The following UGT1A10 variants were observed in gnomAD, a reference collection of about 807,000 sequenced individuals.
UGT1A10 encodes the protein UDP-glucuronosyltransferase 1A10.
A neutral mutation model predicts 45.8 loss-of-function variants in UGT1A10; 49 were observed. That is an observed-to-expected ratio of 1.07 (90% CI 0.85 to 1.36). UGT1A10 has a LOEUF of 1.36. Ranked by LOEUF, UGT1A10 falls within the 40% of genes most tolerant of loss-of-function variation. The probability of loss-of-function intolerance (pLI) is 0.00; values close to 1 mark genes in which losing one functional copy is unlikely to be tolerated. For synonymous variants in UGT1A10, 284 were observed against 249.7 expected, an observed-to-expected ratio of 1.14 and a Z score of -1.29; for missense variants, 745 against 668.6, an observed-to-expected ratio of 1.11 and a Z score of -1.26.
At chr2:233,719,389 C>A (rs1343929267) in intron 1 of UGT1A10, 1 of 1,613,916 alleles carries the variant, frequency 6.2e-7, no homozygotes, top group Admixed American at 1.7e-5. Flanking sequence ...TGTCCAAATC[C>A]TTCCTCCTAT....
intron 1 of UGT1A10, among the ~76,000 whole-genome samples, chr2:233,744,647 A>G (rs1048416794): frequency 6.6e-6 from 1 of 151,912 alleles, no homozygotes; most frequent in Non-Finnish European, 1.5e-5. Context: ...CAGCTTCTGT[A>G]TTCAATCTAC....
Position 233,769,593 on chromosome 2 carries a change from G to A in UGT1A10, c.1295+1154G>A, listed in dbSNP as rs748291102. The A allele has an allele frequency of 1.9e-5, 30 of 1,612,700 alleles. No homozygotes were observed. The East Asian group carries it at 4.2e-4, about 23-fold the overall frequency. On this transcript the variant is annotated intron_variant, in intron 4 of 4. Coordinates refer to ENST00000344644, the MANE Select transcript of UGT1A10 (RefSeq NM_019075.4). The surrounding 1 kb of genome is among the most constrained non-coding windows in gnomAD (Gnocchi z 4.4). ...GGAGCATGTTCAGATGAGAGGAGAC[G>A]GAACACGGGGACACACCAGCTTGAG... is the stretch of plus-strand genomic sequence containing the variant.
chr2:233,699,215 A>G (rs569821092), intron 1 of UGT1A10, among the ~76,000 whole-genome samples: 4 of 152,258 alleles, frequency 2.6e-5, no homozygotes, highest in South Asian at 2.1e-4. Context: ...TGCATGAAAA[A>G]AAAACAAAAA....
intron 1 of UGT1A10, among the ~76,000 whole-genome samples, chr2:233,764,036 G>A (rs905956037): frequency 6.6e-6 from 1 of 152,136 alleles, no homozygotes; most frequent in South Asian, 2.1e-4. Flanking sequence ...TGCTAAAGAA[G>A]AATTCTGGGA....
intron 1 of UGT1A10, chr2:233,693,850 G>A (rs1347397374): frequency 6.2e-7 from 1 of 1,614,080 alleles, no homozygotes. Flanking sequence ...GTAAGAAGAG[G>A]AAAGACTTGT....
intron 1 of UGT1A10, among the ~76,000 whole-genome samples, chr2:233,699,089 G>A (rs2075483565): frequency 6.6e-6 from 1 of 152,136 alleles, no homozygotes; most frequent in African/African-American, 2.4e-5. Flanking sequence ...CTCTAGCCCT[G>A]TGCACCTCAT....
chr2:233,743,342 T>C, intron 1 of UGT1A10: 7 of 858,096 alleles, frequency 8.2e-6, no homozygotes, highest in Non-Finnish European at 1.0e-5. Context: ...TCAGTGGAAG[T>C]CGACATGGAC....
At chr2:233,709,121 G>A (rs1349379070) in intron 1 of UGT1A10, among the ~76,000 whole-genome samples, 3 of 152,046 alleles carry the variant, frequency 2.0e-5, no homozygotes, top group Admixed American at 1.3e-4. Flanking sequence ...AACTAATCAT[G>A]GTGGCCAAGG....
At chr2:233,766,701 C>T (rs1699231181) in intron 1 of UGT1A10, among the ~76,000 whole-genome samples, 1 of 152,122 alleles carries the variant, frequency 6.6e-6, no homozygotes, top group Admixed American at 6.5e-5. Flanking sequence ...ATGCCTTGCT[C>T]TGTGTTCTCT....
In UGT1A10 at chr2:233,725,191, CAGAGGCAGAGGCAGAGGCAGAGGCAGA is replaced by C. The variant is rs1559370256; in HGVS notation, c.856-41842_856-41816del. 1.2e-4 allele frequency among the ~76,000 whole-genome samples: 9 copies of C among 75,260 alleles called. 2 individuals are homozygous for C. Among genetic ancestry groups the C allele is most frequent in the South Asian group, 1.2e-3 (2 of 1,722 alleles). 49.4% of individuals were successfully genotyped at this position (75,260 alleles called of 152,430 possible). A position where few individuals can be genotyped will look rare whatever the true frequency, so the allele number is the denominator to read the frequency against. On this transcript the variant is annotated intron_variant, in intron 1 of 4. Coordinates refer to ENST00000344644, the MANE Select transcript of UGT1A10 (RefSeq NM_019075.4). Reference sequence around the variant, plus strand: ...GGGAGACCGTGGGGAGAGGCAGAGGCAGAGGCAGAGGCAGAGGCAGAGGCAGAGGAGGCAGAGGCAGAGGAGGCAGAG... The same window carrying C: ...GGGAGACCGTGGGGAGAGGCAGAGGCGGAGGCAGAGGCAGAGGAGGCAGAG...
chr2:233,761,598 A>G (rs1310966456), intron 1 of UGT1A10, among the ~76,000 whole-genome samples: 2 of 152,232 alleles, frequency 1.3e-5, no homozygotes, highest in African/African-American at 4.8e-5. Flanking sequence ...TTAAAGCTCC[A>G]GTTTCTAAAT....
At chr2:233,759,148 C>T (rs958103871) in intron 1 of UGT1A10, among the ~76,000 whole-genome samples, 4 of 152,184 alleles carry the variant, frequency 2.6e-5, no homozygotes, top group African/African-American at 9.7e-5. Context: ...AAGGTGAGTT[C>T]CACAGAACAC....
At chr2:233,693,435 T>C (rs2075153037) in intron 1 of UGT1A10, 3 of 1,614,160 alleles carry the variant, frequency 1.9e-6, no homozygotes, top group Non-Finnish European at 2.5e-6. Context: ...GAGAGCAAGT[T>C]TGATGCTCTT....
At chr2:233,762,032 T>A (rs34562642) in intron 1 of UGT1A10, among the ~76,000 whole-genome samples, 31 of 152,346 alleles carry the variant, frequency 2.0e-4, no homozygotes, top group East Asian at 3.9e-4. Context: ...TTATTTTTTT[T>A]AATTTTCTGT....
intron 1 of UGT1A10, among the ~76,000 whole-genome samples, chr2:233,694,890 G>A (rs1289653147): frequency 6.6e-6 from 1 of 152,210 alleles, no homozygotes; most frequent in African/African-American, 2.4e-5. Flanking sequence ...GGGGGTTCAT[G>A]TGATATTTTG....
chr2:233,767,288 C>T (rs1214442488), intron 2 of UGT1A10, 123 bp downstream of exon 2: 1 of 1,566,280 alleles, frequency 6.4e-7, no homozygotes, highest in African/African-American at 1.4e-5. Flanking sequence ...TGCCACTTCC[C>T]AACTATTAAT....
intron 1 of UGT1A10, among the ~76,000 whole-genome samples, chr2:233,724,570 G>T (rs1305921166): frequency 1.6e-5 from 2 of 128,200 alleles, no homozygotes; most frequent in Non-Finnish European, 3.3e-5. Flanking sequence ...GGGGCGGCGG[G>T]GCAGAGGCGC....
At chr2:233,660,437 A>G (rs2073940312) in intron 1 of UGT1A10, among the ~76,000 whole-genome samples, 1 of 152,180 alleles carries the variant, frequency 6.6e-6, no homozygotes, top group Non-Finnish European at 1.5e-5. Context: ...TATCAAAAGT[A>G]ATTTAAAAGA....
At chr2:233,680,774 A>G (rs112245153) in intron 1 of UGT1A10, among the ~76,000 whole-genome samples, 120 of 152,288 alleles carry the variant, frequency 7.9e-4, no homozygotes, top group African/African-American at 2.9e-3. Context: ...GATGAGCACC[A>G]AAGTGATTGG....
Sources: allele counts gnomAD v4.1 joint callset (sites outside exome capture counted in the v4.1 genomes callset), GRCh38; gene constraint gnomAD v4.1.1; non-coding constraint Gnocchi (gnomAD v3.1); transcripts MANE v1.5; gene names NCBI Gene and HGNC (gene_info 2026-07-23, HGNC 2026-07-21).